CFAP54: variants seen among roughly 807,000 people sequenced by gnomAD.
The protein encoded by CFAP54 is cilia and flagella associated protein 54, also known as cilia- and flagella-associated protein 54.
A neutral mutation model predicts 370.4 loss-of-function variants in CFAP54; 290 were observed. That is an observed-to-expected ratio of 0.78 (90% CI 0.71 to 0.86). The LOEUF (loss-of-function observed/expected upper bound fraction) is 0.86, where lower values mean the gene tolerates loss of function less well. Ranked by LOEUF, CFAP54 falls within the 40% of genes least tolerant of loss-of-function variation. The pLI is 0.00. For synonymous variants in CFAP54, 1,206 were observed against 1,236.5 expected, an observed-to-expected ratio of 0.98 and a Z score of 0.52; for missense variants, 3,399 against 3,528.7, an observed-to-expected ratio of 0.96 and a Z score of 0.93.
intron 30 of CFAP54, among the ~76,000 whole-genome samples, chr12:96,629,270 C>T (rs1956578407): frequency 6.6e-6 from 1 of 152,006 alleles, no homozygotes; most frequent in Admixed American, 6.6e-5. Context: ...TTATAATATA[C>T]AACATATTCT....
chr12:96,834,394 G>A (rs1245125378), intron 66 of CFAP54, among the ~76,000 whole-genome samples: 3 of 152,252 alleles, frequency 2.0e-5, no homozygotes, highest in Non-Finnish European at 2.9e-5. Context: ...CTTGGCTCAC[G>A]CTACTGACCT....
chr12:96,604,561 A>G (rs972336690), intron 26 of CFAP54, among the ~76,000 whole-genome samples: 34 of 152,216 alleles, frequency 2.2e-4, no homozygotes, highest in African/African-American at 8.2e-4. Flanking sequence ...CCCTGCCCCT[A>G]GAGGTGGAAT....
intron 66 of CFAP54, among the ~76,000 whole-genome samples, chr12:96,846,510 G>A (rs1474270699): frequency 2.0e-5 from 3 of 152,100 alleles, no homozygotes; most frequent in African/African-American, 7.2e-5. Flanking sequence ...TACACAGTAG[G>A]GTGTCAGATT....
chr12:96,765,001 C>A (rs1355640355), intron 59 of CFAP54, 76 bp from the exon 60 acceptor site: 1 of 1,067,172 alleles, frequency 9.4e-7, no homozygotes, highest in East Asian at 3.3e-5. Context: ...TCACTTTTTT[C>A]ACATTATTTA....
At chr12:96,684,771 G>GT (rs763323021) in intron 41 of CFAP54, 36 bp downstream of exon 41, 60 of 1,502,530 alleles carry the variant, frequency 4.0e-5, no homozygotes, top group Non-Finnish European at 5.0e-5. Flanking sequence ...AAGGGCAAAG[G>GT]TTTTTTATTT....
At chr12:96,841,314 A>T (rs1303764448) in intron 66 of CFAP54, among the ~76,000 whole-genome samples, 3 of 152,192 alleles carry the variant, frequency 2.0e-5, no homozygotes, top group Non-Finnish European at 4.4e-5. Flanking sequence ...ATCATTAGCA[A>T]ATCTGTTCAT....
chr12:96,527,347 T>A lies in CFAP54; in HGVS notation c.1260T>A (p.Asn420Lys). 1 of 1,535,964 alleles carries A rather than the reference T, an allele frequency of 6.5e-7. No homozygotes were observed. Among genetic ancestry groups the A allele is most frequent in the Non-Finnish European group, 8.7e-7 (1 of 1,146,774 alleles). ...TCTTGGAAGCTCTTTCTGATTCAAA[T>A]AGGCGAATACTGCAAACTGGACCCA... is the stretch of plus-strand genomic sequence containing the variant. Reference protein sequence around the residue: ...LAVLEALSDSNRRILQTGPIV... With the variant: ...LAVLEALSDSKRRILQTGPIV... The change falls in exon 9 of 68, where the codon AAT becomes AAA. Residue 420 changes from asparagine to lysine, a missense_variant. By Grantham distance (94) the Asn-to-Lys change is moderately conservative. Around this residue, in one of 3 missense-constraint regions of CFAP54, gnomAD observed 559 missense variants for 576.7 expected, o/e 0.97. Coordinates refer to ENST00000524981, the MANE Select transcript of CFAP54 (RefSeq NM_001306084.2).
At chr12:96,814,491 T>G (rs1196970195) in intron 64 of CFAP54, among the ~76,000 whole-genome samples, 1 of 152,218 alleles carries the variant, frequency 6.6e-6, no homozygotes, top group Non-Finnish European at 1.5e-5. Context: ...CATCTTCTTT[T>G]CTCTCCAATG....
At position 96,519,033 on chromosome 12, in the gene CFAP54, C is replaced by T; in HGVS notation, c.904C>T (p.Gln302Ter). 1 of 1,535,796 alleles carries T rather than the reference C, an allele frequency of 6.5e-7. No homozygotes were observed. The highest frequency in any genetic ancestry group is 8.7e-7 in the Non-Finnish European group (1 of 1,146,794). ...CGCTACTCTCTACACAGCTGTTTGC[C>T]AGTGCTGCTATGACTGCCATGCCGG... is the stretch of plus-strand genomic sequence containing the variant. ...WRATLYTAVC[Q>*]CCYDCHAGIH... is the part of the protein sequence containing the mutation. Residue 302 changes from glutamine to a stop codon, truncating the protein, a stop_gained, in exon 6 of 68, where the codon CAG (glutamine) becomes TAG (stop). Transcript: ENST00000524981. LOFTEE classifies it high-confidence loss of function.
chr12:96,787,201 A>AT (rs1958638110), intron 62 of CFAP54, among the ~76,000 whole-genome samples: 1 of 152,174 alleles, frequency 6.6e-6, no homozygotes, highest in Non-Finnish European at 1.5e-5. Flanking sequence ...AGTTACACAG[A>AT]TTTCAGTATC....
At chr12:96,596,655 TG>T (rs1256814347) in intron 25 of CFAP54, among the ~76,000 whole-genome samples, 1 of 151,948 alleles carries the variant, frequency 6.6e-6, no homozygotes, top group African/African-American at 2.4e-5. Flanking sequence ...GTCCGGGGTT[TG>T]GGGGGAAACA....
intron 63 of CFAP54, among the ~76,000 whole-genome samples, chr12:96,804,485 A>G (rs1412675611): frequency 6.6e-6 from 1 of 152,154 alleles, no homozygotes; most frequent in Non-Finnish European, 1.5e-5. Flanking sequence ...TAATGATCTA[A>G]CCGAGGACCA....
chr12:96,629,965 A>T (rs1040717214), intron 30 of CFAP54, 128 bp from the exon 31 acceptor site: 1 of 433,218 alleles, frequency 2.3e-6, no homozygotes, highest in Non-Finnish European at 4.1e-6. Flanking sequence ...AGTCAAATTG[A>T]TGCATAGGAC....
chr12:96,534,990 T>A (rs1242083000), intron 11 of CFAP54, among the ~76,000 whole-genome samples: 5 of 150,952 alleles, frequency 3.3e-5, no homozygotes, highest in African/African-American at 4.9e-5. Context: ...TTAGAGCCAC[T>A]AAGATTAGTT....
chr12:96,836,219 A>G (rs1959185758), intron 66 of CFAP54, among the ~76,000 whole-genome samples: 1 of 152,162 alleles, frequency 6.6e-6, no homozygotes, highest in African/African-American at 2.4e-5. Context: ...CTACTGTTGA[A>G]GTCAGGCAGC....
chr12:96,743,308 C>A, intron 52 of CFAP54, 94 bp from the exon 53 acceptor site: 1 of 1,230,378 alleles, frequency 8.1e-7, no homozygotes, highest in South Asian at 1.4e-5. Context: ...TTTGATATTA[C>A]ACAATATTTC....
chr12:96,864,068 A>G (rs1160174589), intron 67 of CFAP54, among the ~76,000 whole-genome samples: 1 of 152,228 alleles, frequency 6.6e-6, no homozygotes, highest in African/African-American at 2.4e-5. Flanking sequence ...TTCAAAATCT[A>G]CAGGATGAAA....
chr12:96,660,856 C>T (rs1421145408), intron 38 of CFAP54, among the ~76,000 whole-genome samples: 2 of 152,166 alleles, frequency 1.3e-5, no homozygotes, highest in African/African-American at 2.4e-5. Context: ...TTATGACCCA[C>T]TCCTTGGGTT....
chr12:96,750,692 C>T (rs1182012668), intron 55 of CFAP54, among the ~76,000 whole-genome samples: 1 of 152,096 alleles, frequency 6.6e-6, no homozygotes, highest in Non-Finnish European at 1.5e-5. Context: ...TGTGTTAAAT[C>T]AAATATATTC....
Sources: gnomAD v4.1 joint callset for allele counts (sites outside exome capture counted in the v4.1 genomes callset) on GRCh38, gnomAD v4.1.1 for gene constraint, gnomAD v4.1.1 regional missense constraint, MANE v1.5 for transcripts, NCBI Gene and HGNC (gene_info 2026-07-23, HGNC 2026-07-21) for gene names.